The following EEF2K variants were observed in gnomAD, a reference collection of about 807,000 sequenced individuals.
The protein encoded by EEF2K is alternative protein EEF2K.
A neutral mutation model predicts 93.8 loss-of-function variants in EEF2K; 70 were observed. The ratio of observed to expected loss-of-function variants is 0.75; its 90% confidence interval spans 0.62 to 0.91. EEF2K has a LOEUF of 0.91. EEF2K is among the 40% of genes least tolerant of loss of function. EEF2K has a pLI of 0.00. For missense variants in EEF2K, 935 were observed against 972.9 expected (o/e 0.96, Z 0.52); for synonymous variants, 376 against 380.8 (o/e 0.99, Z 0.15).
rs1400006161 is a variant in EEF2K at position 22,244,635 on chromosome 16, C to T, written c.252C>T (p.Ala84=). ...TTCTCCTTTGCCTTCCACAGGAAGCCTGGAAGCACGCAATCCAGAAGGCCA... is the reference window on the plus strand; with the variant it reads ...TTCTCCTTTGCCTTCCACAGGAAGCTTGGAAGCACGCAATCCAGAAGGCCA... ...SPANSFHFKE[A]WKHAIQKAKH... is the part of the protein sequence containing the mutation. Residue 84 remains alanine (A), a synonymous_variant, in exon 3 of 18, where the codon GCC becomes GCT. Coordinates refer to ENST00000263026, the MANE Select transcript of EEF2K (RefSeq NM_013302.5). The T allele has an allele frequency of 9.3e-6, 15 of 1,613,866 alleles. No homozygotes were observed. The highest frequency in any genetic ancestry group is 1.1e-5 in the Non-Finnish European group (13 of 1,179,914).
chr16:22,257,794 T>C (rs2047422051), intron 9 of EEF2K, 24 bp downstream of exon 9: 1 of 1,610,704 alleles, frequency 6.2e-7, no homozygotes, highest in South Asian at 1.1e-5. Context: ...GTGACCCTGC[T>C]TGGCCTGGCA....
rs1239413474 is a variant in EEF2K, at chr16:22,266,383, C to T, written c.1441-7C>T. On this transcript the variant is annotated splice_polypyrimidine_tract_variant and splice_region_variant and intron_variant, in intron 13 of 17. Coordinates refer to ENST00000263026, the MANE Select transcript of EEF2K (RefSeq NM_013302.5). ...CCTCGCTTCCCTGGCCGGTTCTTTCCCTTCAGGTATGTGTAGAGAAGTGGA... is the reference window on the plus strand; with the variant it reads ...CCTCGCTTCCCTGGCCGGTTCTTTCTCTTCAGGTATGTGTAGAGAAGTGGA... 1 of 1,611,994 alleles carries T rather than the reference C, an allele frequency of 6.2e-7. No individual in the cohort carries two copies. The highest frequency in any genetic ancestry group is 1.1e-5 in the South Asian group (1 of 90,784).
chr16:22,251,410 C>A, intron 6 of EEF2K, 88 bp downstream of exon 6: 33 of 1,339,724 alleles, frequency 2.5e-5, no homozygotes, highest in Non-Finnish European at 3.0e-5. Flanking sequence ...ATCCCTATTT[C>A]ACCTTCTTTT....
chr16:22,282,042 C>T (rs2047698366), intron 17 of EEF2K, among the ~76,000 whole-genome samples: 1 of 152,246 alleles, frequency 6.6e-6, no homozygotes, highest in South Asian at 2.1e-4. Flanking sequence ...GGGAGGATCA[C>T]TTGAGTCTAG....
At chr16:22,271,835 CTATGGTTGCAA>C (rs761919634) in intron 15 of EEF2K, among the ~76,000 whole-genome samples, 2 of 152,208 alleles carry the variant, frequency 1.3e-5, no homozygotes, top group Non-Finnish European at 2.9e-5. Context: ...CATAGCCAAC[CTATGGTTGCAA>C]TTGATGGAGA....
At chr16:22,281,403 C>G (rs919090927) in intron 17 of EEF2K, among the ~76,000 whole-genome samples, 1 of 152,050 alleles carries the variant, frequency 6.6e-6, no homozygotes, top group Non-Finnish European at 1.5e-5. Context: ...CCACACCCAG[C>G]CAATTTTTAA....
At chr16:22,227,351 G>A (rs1322164328) in intron 2 of EEF2K, among the ~76,000 whole-genome samples, 2 of 152,056 alleles carry the variant, frequency 1.3e-5, no homozygotes, top group African/African-American at 4.8e-5. Context: ...AGCCTCCTGA[G>A]TAGCTGATAT....
chr16:22,252,770 G>A (rs1406021268), intron 6 of EEF2K, among the ~76,000 whole-genome samples: 1 of 152,210 alleles, frequency 6.6e-6, no homozygotes, highest in Non-Finnish European at 1.5e-5. Context: ...TGGCTGGGGA[G>A]GCCTCACAAT....
intron 2 of EEF2K, among the ~76,000 whole-genome samples, chr16:22,239,959 T>C (rs1473854587): frequency 6.6e-6 from 1 of 151,882 alleles, no homozygotes; most frequent in African/African-American, 2.4e-5. Flanking sequence ...AATAATTAGC[T>C]GGGCGTGGTG....
At chr16:22,227,384 C>T (rs567919703) in intron 2 of EEF2K, among the ~76,000 whole-genome samples, 1 of 152,110 alleles carries the variant, frequency 6.6e-6, no homozygotes, top group Non-Finnish European at 1.5e-5. Flanking sequence ...CCACCACACC[C>T]AGCAAAAGTT....
chr16:22,256,960 G>A (rs2141673736), intron 7 of EEF2K, 63 bp downstream of exon 7: 1 of 1,597,054 alleles, frequency 6.3e-7, no homozygotes, highest in East Asian at 2.2e-5. Context: ...TCCTGGCCAG[G>A]CTCAGCCCCT....
intron 17 of EEF2K, among the ~76,000 whole-genome samples, chr16:22,281,533 A>C (rs1251345846): frequency 1.3e-5 from 2 of 152,154 alleles, no homozygotes; most frequent in African/African-American, 2.4e-5. Flanking sequence ...GAGCCACTGC[A>C]CCTGGTCCTA....
intron 3 of EEF2K, among the ~76,000 whole-genome samples, chr16:22,248,177 G>A (rs770652627): frequency 6.6e-6 from 1 of 152,066 alleles, no homozygotes; most frequent in African/African-American, 2.4e-5. Flanking sequence ...CGATTCTCCT[G>A]CCTCAGCCTC....
rs1333950543 is a variant in EEF2K, at chr16:22,251,272, G to A, written c.568G>A (p.Glu190Lys). Reference sequence around the variant, plus strand: ...CTTTGAGGACGTGCGTCTACAGATGGAGGCCAAGCTCTGGGGGGAGGAGTA... The same window carrying A: ...CTTTGAGGACGTGCGTCTACAGATGAAGGCCAAGCTCTGGGGGGAGGAGTA... ...VYFEDVRLQM[E>K]AKLWGEEYNR... The change falls in exon 6 of 18, where the codon GAG becomes AAG. Residue 190 changes from glutamate to lysine, a missense_variant. Physicochemically the swap from Glu to Lys is moderately conservative, Grantham distance 56 (BLOSUM62 1). Coordinates refer to ENST00000263026, the MANE Select transcript of EEF2K (RefSeq NM_013302.5). 6.2e-7 allele frequency: 1 copy of A among 1,614,172 alleles called. No homozygotes were observed. Among genetic ancestry groups the A allele is most frequent in the Admixed American group, 1.7e-5 (1 of 60,018 alleles).
intron 2 of EEF2K, among the ~76,000 whole-genome samples, chr16:22,239,091 T>TAAA (rs10627624): frequency 0.38 from 55,201 of 146,910 alleles, 11,233 homozygotes; most frequent in East Asian, 0.86. Flanking sequence ...CTGTGCTTAT[T>TAAA]AAAAAAAAAA....
chr16:22,225,690 G>C lies in EEF2K; in HGVS notation c.-40G>C, dbSNP rs1448075099. 6.2e-7 allele frequency: 1 copy of C among 1,604,042 alleles called. No homozygotes were observed. Among genetic ancestry groups the C allele is most frequent in the Non-Finnish European group, 8.5e-7 (1 of 1,174,342 alleles). On this transcript the variant is annotated 5_prime_UTR_variant, in exon 2 of 18. Coordinates refer to ENST00000263026, the MANE Select transcript of EEF2K (RefSeq NM_013302.5). ...CTGCATTTGTCCAGTAACTCTGGCT[G>C]TGCCGGATACTGCTTGGGTAAAACG...
chr16:22,225,823 G>C lies in EEF2K; in HGVS notation c.94G>C (p.Asp32His). ...GHDGDSDGDS[D>H]DEEGYFICPI... Reference sequence around the variant, plus strand: ...TGATGGTGATTCTGATGGGGACAGCGACGATGAGGAAGGTTACTTCATCTG... The same window carrying C: ...TGATGGTGATTCTGATGGGGACAGCCACGATGAGGAAGGTTACTTCATCTG... Residue 32 changes from aspartate to histidine, a missense_variant, in exon 2 of 18, where the codon GAC becomes CAC. Asp to His is a moderately conservative substitution (Grantham distance 81). Coordinates refer to ENST00000263026, the MANE Select transcript of EEF2K (RefSeq NM_013302.5). 6.2e-7 allele frequency: 1 copy of C among 1,614,204 alleles called. No individual in the cohort carries two copies. Among genetic ancestry groups the C allele is most frequent in the Non-Finnish European group, 8.5e-7 (1 of 1,180,040 alleles).
At chr16:22,260,789 G>A (rs552675265) in intron 11 of EEF2K, among the ~76,000 whole-genome samples, 1 of 152,288 alleles carries the variant, frequency 6.6e-6, no homozygotes, top group Non-Finnish European at 1.5e-5. Context: ...CAGCAACAAT[G>A]CGATCTTGTA....
At chr16:22,262,364 G>A (rs2047474236) in intron 11 of EEF2K, among the ~76,000 whole-genome samples, 1 of 152,080 alleles carries the variant, frequency 6.6e-6, no homozygotes, top group African/African-American at 2.4e-5. Context: ...ACAAAAATTA[G>A]CCAGGCGTGG....
Sources: gnomAD v4.1 joint callset for allele counts (sites outside exome capture counted in the v4.1 genomes callset) on GRCh38, gnomAD v4.1.1 for gene constraint, MANE v1.5 for transcripts, NCBI Gene and HGNC (gene_info 2026-07-23, HGNC 2026-07-21) for gene names.